NALCN: variants seen among roughly 807,000 people sequenced by gnomAD.
NALCN encodes sodium leak channel NALCN.
Under a neutral mutation model 225.3 loss-of-function variants are expected in NALCN, and 111 were observed. That is an observed-to-expected ratio of 0.49 (90% CI 0.42 to 0.58). NALCN has a LOEUF of 0.58. Ranked by LOEUF, NALCN falls within the 20% of genes least tolerant of loss-of-function variation. The probability of loss-of-function intolerance (pLI) is 0.00; values close to 1 mark genes in which losing one functional copy is unlikely to be tolerated. For synonymous variants in NALCN, 764 were observed against 769.0 expected (o/e 0.99, Z 0.11); for missense variants, 1,378 against 2,202.4 (o/e 0.63, Z 7.49).
chr13:101,059,344 T>G (rs2281783), intron 42 of NALCN: 60,897 of 152,666 alleles, frequency 0.4, 12,591 homozygotes, highest in East Asian at 0.57. Flanking sequence ...AGGATATATC[T>G]TCAATGAGTC....
intron 3 of NALCN, among the ~76,000 whole-genome samples, chr13:101,381,321 T>C (rs1318739660): frequency 3.9e-5 from 6 of 152,268 alleles, no homozygotes; most frequent in East Asian, 1.9e-4. Context: ...AAAGGTTACA[T>C]ATATAACAAA....
At chr13:101,324,462 T>G (rs2044868329) in intron 7 of NALCN, among the ~76,000 whole-genome samples, 1 of 152,228 alleles carries the variant, frequency 6.6e-6, no homozygotes, top group South Asian at 2.1e-4. Context: ...TGTCGAGCAG[T>G]GGTTTGTAGT....
intron 27 of NALCN, 130 bp downstream of exon 27, chr13:101,100,654 C>G: frequency 1.7e-6 from 1 of 590,686 alleles, no homozygotes; most frequent in South Asian, 2.7e-5. Flanking sequence ...GATCATAGCT[C>G]ACTGCAACCT....
intron 6 of NALCN, chr13:101,368,510 G>T (rs956036044): frequency 1.3e-5 from 2 of 151,980 alleles, no homozygotes; most frequent in Admixed American, 6.6e-5. Flanking sequence ...ATAGTTTAGA[G>T]GCTACAAAAG....
intron 15 of NALCN, among the ~76,000 whole-genome samples, chr13:101,175,719 G>A (rs971283092): frequency 8.5e-5 from 13 of 152,136 alleles, no homozygotes; most frequent in East Asian, 1.9e-4. Context: ...AATGATTGAC[G>A]ATAGCTGTAA....
intron 6 of NALCN, among the ~76,000 whole-genome samples, chr13:101,359,583 T>C (rs1264352367): frequency 6.6e-6 from 1 of 152,146 alleles, no homozygotes; most frequent in Non-Finnish European, 1.5e-5. Context: ...CACTACAGAG[T>C]TAATTATTTT....
intron 13 of NALCN, among the ~76,000 whole-genome samples, chr13:101,194,396 T>C (rs979027427): frequency 2.0e-5 from 3 of 152,216 alleles, no homozygotes; most frequent in African/African-American, 7.2e-5. Context: ...TGAAAGGTAG[T>C]GCCAACAAAT....
At chr13:101,271,704 G>C (rs528769249) in intron 10 of NALCN, among the ~76,000 whole-genome samples, 3 of 151,866 alleles carry the variant, frequency 2.0e-5, no homozygotes, top group Non-Finnish European at 4.4e-5. Context: ...GTGCATGTGT[G>C]CATAAGCATG....
At chr13:101,157,754 T>TA (rs1391921854) in intron 15 of NALCN, among the ~76,000 whole-genome samples, 38 of 151,236 alleles carry the variant, frequency 2.5e-4, no homozygotes, top group Admixed American at 2.1e-3. Flanking sequence ...CATGGTCTTT[T>TA]TTTTTTTTTT....
intron 34 of NALCN, among the ~76,000 whole-genome samples, chr13:101,081,271 A>C (rs1328251627): frequency 1.3e-5 from 2 of 152,138 alleles, no homozygotes; most frequent in Admixed American, 1.3e-4. Context: ...AAGATCTTGA[A>C]GGTCCTTCTC....
intron 9 of NALCN, among the ~76,000 whole-genome samples, chr13:101,290,244 C>T (rs185191895): frequency 8.8e-4 from 134 of 152,142 alleles, no homozygotes; most frequent in African/African-American, 3.0e-3. Context: ...CTATTTTTTC[C>T]AGCTGTGATT....
intron 7 of NALCN, among the ~76,000 whole-genome samples, chr13:101,333,695 C>T (rs1477489888): frequency 4.6e-5 from 7 of 152,272 alleles, no homozygotes; most frequent in Middle Eastern, 3.4e-3. Flanking sequence ...AGCTGTGTTA[C>T]GGCTTTCCTA....
At chr13:101,084,133 G>T (rs1209459631) in intron 30 of NALCN, among the ~76,000 whole-genome samples, 1 of 152,174 alleles carries the variant, frequency 6.6e-6, no homozygotes, top group Non-Finnish European at 1.5e-5. Flanking sequence ...ATAGTAGTTA[G>T]TTTCCTTTCA....
intron 11 of NALCN, among the ~76,000 whole-genome samples, chr13:101,257,799 C>T (rs538127814): frequency 2.6e-4 from 39 of 151,698 alleles, no homozygotes; most frequent in African/African-American, 8.7e-4. Context: ...TATTAAAATG[C>T]TTTAATATAA....
chr13:101,371,478 C>G (rs1380044338), intron 6 of NALCN, among the ~76,000 whole-genome samples: 1 of 152,112 alleles, frequency 6.6e-6, no homozygotes, highest in African/African-American at 2.4e-5. Context: ...GCCACTGTAC[C>G]CAGCTTGATC....
chr13:101,169,788 C>T (rs1484857862), intron 15 of NALCN, among the ~76,000 whole-genome samples: 1 of 152,146 alleles, frequency 6.6e-6, no homozygotes, highest in Non-Finnish European at 1.5e-5. Context: ...ATGTTAGTTG[C>T]CACGTCTTTA....
intron 12 of NALCN, among the ~76,000 whole-genome samples, chr13:101,237,308 A>G (rs76381069): frequency 0.015 from 2,251 of 152,188 alleles, 22 homozygotes; most frequent in Non-Finnish European, 0.022. Context: ...TAAACCTTTA[A>G]TATTTTCATT....
intron 6 of NALCN, among the ~76,000 whole-genome samples, chr13:101,366,182 T>G (rs2046372691): frequency 6.6e-6 from 1 of 152,200 alleles, no homozygotes; most frequent in South Asian, 2.1e-4. Context: ...TAGTCAAATC[T>G]CATTACTCTT....
chr13:101,160,341 T>C (rs1048267873), intron 15 of NALCN, among the ~76,000 whole-genome samples: 1 of 152,332 alleles, frequency 6.6e-6, no homozygotes, highest in African/African-American at 2.4e-5. Flanking sequence ...TCTTGCCTTT[T>C]ATCTGCGCTT....
Sources: gnomAD v4.1 joint callset for allele counts (sites outside exome capture counted in the v4.1 genomes callset) on GRCh38, gnomAD v4.1.1 for gene constraint, MANE v1.5 for transcripts, NCBI Gene and HGNC (gene_info 2026-07-23, HGNC 2026-07-21) for gene names.